The following PDSS2 variants were observed in gnomAD, a reference collection of about 807,000 sequenced individuals.
PDSS2 encodes decaprenyl diphosphate synthase subunit 2.
A neutral mutation model predicts 44.5 loss-of-function variants in PDSS2; 31 were observed. The ratio of observed to expected loss-of-function variants is 0.70; its 90% CI spans 0.52 to 0.94. PDSS2 has a LOEUF of 0.94. Among genes scored for constraint, PDSS2 ranks in the 40% least tolerant of loss-of-function variants. The pLI is 0.00. For missense variants in PDSS2, 452 were observed against 482.2 expected (o/e 0.94, Z 0.59); for synonymous variants, 157 against 180.3 (o/e 0.87, Z 1.03).
At chr6:107,189,890 C>T (rs986956235) in intron 7 of PDSS2, among the ~76,000 whole-genome samples, 5 of 151,772 alleles carry the variant, frequency 3.3e-5, no homozygotes, top group African/African-American at 1.2e-4. Flanking sequence ...GACCTCGTTC[C>T]TTAAAATTAA....
At chr6:107,304,841 G>T (rs946532996) in intron 2 of PDSS2, among the ~76,000 whole-genome samples, 28 of 151,840 alleles carry the variant, frequency 1.8e-4, no homozygotes, top group African/African-American at 6.5e-4. Context: ...GTGGTGACAG[G>T]GAGTCATCCA....
rs1429152931 is a variant in PDSS2 at position 107,437,525 on chromosome 6, C to A, written c.296+21465G>T. Among the ~76,000 whole-genome samples, 312 of 126,684 alleles carry A rather than the reference C, an allele frequency of 2.5e-3. 6 individuals carry two copies. In the East Asian group the frequency reaches 0.039, roughly 16 times the overall value. 83.1% of individuals were successfully genotyped at this position (126,684 alleles called of 152,430 possible). A position where few individuals can be genotyped will look rare whatever the true frequency, so the allele number is the denominator to read the frequency against. ...AGGAGACAGAGTGAGACCCTGTCTC[C>A]AAAAAAAAAAAAAAAAAAAAAAAAA... On this transcript the variant is annotated intron_variant, in intron 1 of 7. Transcript: ENST00000369037.
intron 7 of PDSS2, among the ~76,000 whole-genome samples, chr6:107,157,332 GC>G (rs1770939348): frequency 6.6e-6 from 1 of 151,958 alleles, no homozygotes; most frequent in Non-Finnish European, 1.5e-5. Context: ...AGACAGGCAT[GC>G]ACCACTATCC....
chr6:107,438,453 A>C lies in PDSS2; in HGVS notation c.296+20537T>G, dbSNP rs1365530374. ...TGGTCTCGAACTCTTGATCTGAAGC[A>C]ATCTACGCGCCTCGGCCTCCCAAAG... On this transcript the variant is annotated intron_variant, in intron 1 of 7. Transcript: ENST00000369037. Among the ~76,000 whole-genome samples the C allele has an allele frequency of 2.6e-5, 4 of 152,116 alleles. No individual in the cohort carries two copies. The East Asian group carries it at 7.7e-4, about 29-fold the overall frequency.
At chr6:107,273,900 G>T in intron 3 of PDSS2, 129 bp downstream of exon 3, 1 of 749,268 alleles carries the variant, frequency 1.3e-6, no homozygotes, top group Non-Finnish European at 2.4e-6. Context: ...GTTCATCACA[G>T]TTTTACTGTT....
intron 6 of PDSS2, among the ~76,000 whole-genome samples, chr6:107,210,082 C>G (rs1295154590): frequency 6.6e-6 from 1 of 151,896 alleles, no homozygotes; most frequent in Non-Finnish European, 1.5e-5. Context: ...GCAGCTTGTG[C>G]GAGAGTCCAC....
chr6:107,378,412 G>T (rs1236104206), intron 1 of PDSS2, among the ~76,000 whole-genome samples: 2 of 152,126 alleles, frequency 1.3e-5, no homozygotes, highest in African/African-American at 2.4e-5. Context: ...TAGCAAGGTT[G>T]TATGACATAA....
chr6:107,409,368 T>G (rs550395745), intron 1 of PDSS2, among the ~76,000 whole-genome samples: 1 of 152,324 alleles, frequency 6.6e-6, no homozygotes, highest in African/African-American at 2.4e-5. Context: ...AATCTCTGTT[T>G]GAAACTGCCT....
intron 7 of PDSS2, among the ~76,000 whole-genome samples, chr6:107,171,870 G>A (rs1486919700): frequency 6.6e-6 from 1 of 151,958 alleles, no homozygotes; most frequent in Non-Finnish European, 1.5e-5. Flanking sequence ...ATTTTGAATG[G>A]GCAAAGTCCA....
chr6:107,443,382 T>C (rs1781567470), intron 1 of PDSS2, among the ~76,000 whole-genome samples: 1 of 152,234 alleles, frequency 6.6e-6, no homozygotes, highest in Non-Finnish European at 1.5e-5. Context: ...ACCTTTCCTT[T>C]GCTTTTTAAA....
chr6:107,292,224 TA>T (rs5878911), intron 2 of PDSS2, among the ~76,000 whole-genome samples: 20,247 of 142,214 alleles, frequency 0.14, 1,411 homozygotes, highest in South Asian at 0.24. Context: ...GTACTTCAAT[TA>T]AAAAAAAAAA....
At chr6:107,374,253 C>CACA (rs1779214229) in intron 1 of PDSS2, among the ~76,000 whole-genome samples, 1 of 70,570 alleles carries the variant, frequency 1.4e-5, no homozygotes, top group Non-Finnish European at 2.4e-5. Context: ...GACTCCATCA[C>CACA]AAAAAAAAAA....
At chr6:107,344,695 A>G (rs549971035) in intron 1 of PDSS2, among the ~76,000 whole-genome samples, 224 of 152,310 alleles carry the variant, frequency 1.5e-3, no homozygotes, top group Middle Eastern at 3.4e-3. Context: ...GTTGTTGAGC[A>G]GGGACTAAAT....
intron 1 of PDSS2, among the ~76,000 whole-genome samples, chr6:107,353,753 C>T (rs1271143795): frequency 6.6e-6 from 1 of 152,032 alleles, no homozygotes; most frequent in South Asian, 2.1e-4. Context: ...TTCATGAAAT[C>T]CTGAGGCAAA....
chr6:107,458,816 G>A (rs775185126), intron 1 of PDSS2, among the ~76,000 whole-genome samples, 174 bp downstream of exon 1: 7 of 152,148 alleles, frequency 4.6e-5, no homozygotes, highest in Admixed American at 1.3e-4. Context: ...GAGCAAGAAC[G>A]TTAAGTGGAC....
At chr6:107,450,227 T>A (rs1781823414) in intron 1 of PDSS2, among the ~76,000 whole-genome samples, 2 of 152,220 alleles carry the variant, frequency 1.3e-5, no homozygotes, top group South Asian at 4.1e-4. Flanking sequence ...TGGACCACAG[T>A]TTGTTCAACC....
intron 7 of PDSS2, among the ~76,000 whole-genome samples, chr6:107,176,190 C>T (rs565276362): frequency 4.2e-4 from 64 of 152,060 alleles, no homozygotes; most frequent in African/African-American, 1.5e-3. Context: ...TATAGGTAAG[C>T]GCCACCACAC....
At chr6:107,245,748 C>A (rs1774593332) in intron 3 of PDSS2, 129 bp from the exon 4 acceptor site, 2 of 555,210 alleles carry the variant, frequency 3.6e-6, no homozygotes, top group South Asian at 5.5e-5. Context: ...TGGGACTATG[C>A]ACCAAGATCT....
chr6:107,349,722 CT>C (rs1778375237), intron 1 of PDSS2, among the ~76,000 whole-genome samples: 1 of 152,094 alleles, frequency 6.6e-6, no homozygotes, highest in Admixed American at 6.6e-5. Context: ...GCACTCCAGC[CT>C]GGGTGACAAG....
Sources: gnomAD v4.1 joint callset for allele counts (sites outside exome capture counted in the v4.1 genomes callset) on GRCh38, gnomAD v4.1.1 for gene constraint, MANE v1.5 for transcripts, NCBI Gene and HGNC (gene_info 2026-07-23, HGNC 2026-07-21) for gene names.